The following IFTAP variants were observed in gnomAD, a reference collection of about 807,000 sequenced individuals.
IFTAP encodes intraflagellar transport associated protein.
Under a neutral mutation model 19.4 loss-of-function variants are expected in IFTAP, and 19 were observed. The observed-to-expected ratio is 0.98, with a 90% confidence interval of 0.68 to 1.44. The LOEUF is 1.44. IFTAP is among the 40% of genes most tolerant of loss of function. The probability of loss-of-function intolerance (pLI) is 0.00; values close to 1 mark genes in which losing one functional copy is unlikely to be tolerated. For missense variants in IFTAP, 240 were observed against 253.6 expected, an observed-to-expected ratio of 0.95 and a Z score of 0.36; for synonymous variants, 85 against 83.5, an observed-to-expected ratio of 1.02 and a Z score of -0.10.
intron 2 of IFTAP, among the ~76,000 whole-genome samples, chr11:36,613,240 T>C (rs1014883999): frequency 6.6e-6 from 1 of 152,054 alleles, no homozygotes; most frequent in African/African-American, 2.4e-5. Context: ...ATCTTTTGTG[T>C]CTCAGTTTCT....
chr11:36,607,108 T>G (rs1315454530), intron 1 of IFTAP, among the ~76,000 whole-genome samples: 1 of 152,232 alleles, frequency 6.6e-6, no homozygotes, highest in Non-Finnish European at 1.5e-5. Context: ...AACTCTATGC[T>G]TTATCTGGGG....
chr11:36,654,658 G>A (rs1853899961), intron 5 of IFTAP, among the ~76,000 whole-genome samples: 1 of 151,958 alleles, frequency 6.6e-6, no homozygotes, highest in Non-Finnish European at 1.5e-5. Flanking sequence ...TCAGTTTCAA[G>A]TTTGTATATT....
intron 5 of IFTAP, among the ~76,000 whole-genome samples, chr11:36,650,398 T>A: frequency 6.6e-6 from 1 of 152,162 alleles, no homozygotes; most frequent in East Asian, 1.9e-4. Flanking sequence ...AATTAACATA[T>A]AATAATTGTA....
At chr11:36,618,339 C>A (rs1335212964) in intron 2 of IFTAP, among the ~76,000 whole-genome samples, 1 of 152,002 alleles carries the variant, frequency 6.6e-6, no homozygotes, top group African/African-American at 2.4e-5. Context: ...CCACTTTGTT[C>A]TCTGCCTTCC....
chr11:36,616,696 C>A (rs1444399068), intron 2 of IFTAP, among the ~76,000 whole-genome samples: 1 of 151,842 alleles, frequency 6.6e-6, no homozygotes, highest in Non-Finnish European at 1.5e-5. Flanking sequence ...GCTTTTCCAG[C>A]ATTACAAATT....
At chr11:36,645,355 A>G (rs1473788672) in intron 4 of IFTAP, among the ~76,000 whole-genome samples, 1 of 152,164 alleles carries the variant, frequency 6.6e-6, no homozygotes, top group African/African-American at 2.4e-5. Context: ...TACTTCAACC[A>G]GTCTTGCCGT....
In IFTAP at chr11:36,613,229, A is replaced by T. The variant is rs114766508; in HGVS notation, c.136+2990A>T. 6.3e-3 allele frequency among the ~76,000 whole-genome samples: 954 copies of T among 152,130 alleles called. 11 individuals are homozygous for T. Among genetic ancestry groups the T allele is most frequent in the African/African-American group, 0.022 (923 of 41,538 alleles). ...GGACAAAGATAAGCAGCTAAGTTTC[A>T]ATCTTTTGTGTCTCAGTTTCTCTGT... On this transcript the variant is annotated intron_variant, in intron 2 of 5. Transcript: ENST00000334307.
At chr11:36,597,373 T>A (rs1002169469) in intron 1 of IFTAP, among the ~76,000 whole-genome samples, 1 of 152,200 alleles carries the variant, frequency 6.6e-6, no homozygotes, top group African/African-American at 2.4e-5. Context: ...ATAGGCTACA[T>A]AAAAACAGGC....
Position 36,603,766 on chromosome 11 carries a change from A to G in IFTAP, c.-23-6315A>G, listed in dbSNP as rs1311196572. 5.3e-5 allele frequency among the ~76,000 whole-genome samples: 8 copies of G among 152,110 alleles called. 1 individual carries two copies. The East Asian group carries it at 1.4e-3, about 26-fold the overall frequency. On this transcript the variant is annotated intron_variant, in intron 1 of 5. Coordinates refer to ENST00000334307, the MANE Select transcript of IFTAP (RefSeq NM_138787.4). ...GTGAAACCCTGTCTCTACTCAGAATACAAAAATTAGTCAGGTGTGGTGGTG... is the reference window on the plus strand; with the variant it reads ...GTGAAACCCTGTCTCTACTCAGAATGCAAAAATTAGTCAGGTGTGGTGGTG...
chr11:36,607,118 G>T (rs1851721936), intron 1 of IFTAP, among the ~76,000 whole-genome samples: 1 of 152,184 alleles, frequency 6.6e-6, no homozygotes, highest in Non-Finnish European at 1.5e-5. Context: ...TTTATCTGGG[G>T]TTGTAATACA....
At chr11:36,603,772 A>G (rs1416617119) in intron 1 of IFTAP, among the ~76,000 whole-genome samples, 1 of 152,024 alleles carries the variant, frequency 6.6e-6, no homozygotes, top group Non-Finnish European at 1.5e-5. Context: ...GAATACAAAA[A>G]TTAGTCAGGT....
chr11:36,641,655 C>G (rs906354044), intron 4 of IFTAP, among the ~76,000 whole-genome samples: 3 of 152,102 alleles, frequency 2.0e-5, no homozygotes, highest in Admixed American at 6.6e-5. Context: ...TTTATAATTT[C>G]TGTTCTTTTA....
intron 2 of IFTAP, among the ~76,000 whole-genome samples, chr11:36,616,552 A>AG (rs1424485157): frequency 6.6e-6 from 1 of 152,020 alleles, no homozygotes; most frequent in African/African-American, 2.4e-5. Context: ...GGCCTTTGAT[A>AG]GTTCCAAACT....
chr11:36,614,974 T>C (rs1455495875), intron 2 of IFTAP, among the ~76,000 whole-genome samples: 1 of 144,472 alleles, frequency 6.9e-6, no homozygotes, highest in Admixed American at 6.9e-5. Context: ...TTTTGGTGTT[T>C]CAGACATGAA....
chr11:36,648,243 T>C, intron 5 of IFTAP, 88 bp downstream of exon 5: 3 of 1,456,618 alleles, frequency 2.1e-6, no homozygotes, highest in Non-Finnish European at 2.8e-6. Flanking sequence ...TTCTGTATTT[T>C]TCTAACATTT....
chr11:36,599,993 A>C (rs1851446017), intron 1 of IFTAP, among the ~76,000 whole-genome samples: 1 of 152,238 alleles, frequency 6.6e-6, no homozygotes, highest in South Asian at 2.1e-4. Context: ...AAAAACAGGC[A>C]ATTTTTAGCA....
chr11:36,644,675 A>C (rs1413073987), intron 4 of IFTAP, among the ~76,000 whole-genome samples: 6 of 152,140 alleles, frequency 3.9e-5, no homozygotes, highest in Non-Finnish European at 8.8e-5. Flanking sequence ...AGCCATAAAA[A>C]AGGATGAGTT....
intron 5 of IFTAP, among the ~76,000 whole-genome samples, chr11:36,655,701 T>C (rs61686617): frequency 0.14 from 21,273 of 152,234 alleles, 1,993 homozygotes; most frequent in African/African-American, 0.26. Context: ...TATTACTATT[T>C]TTTATTTCTT....
At chr11:36,634,100 A>G (rs1017820405) in intron 3 of IFTAP, among the ~76,000 whole-genome samples, 1 of 152,132 alleles carries the variant, frequency 6.6e-6, no homozygotes, top group African/African-American at 2.4e-5. Context: ...TATACAGCAG[A>G]TGCCTATAAT....
Sources: gnomAD v4.1 joint callset for allele counts (sites outside exome capture counted in the v4.1 genomes callset) on GRCh38, gnomAD v4.1.1 for gene constraint, MANE v1.5 for transcripts, NCBI Gene and HGNC (gene_info 2026-07-23, HGNC 2026-07-21) for gene names.